EMG1: variants seen among roughly 807,000 people sequenced by gnomAD.
EMG1 encodes the protein ribosomal RNA small subunit methyltransferase NEP1.
Under a neutral mutation model 26.9 loss-of-function variants are expected in EMG1, and 24 were observed. The ratio of observed to expected loss-of-function variants is 0.89; its 90% confidence interval spans 0.65 to 1.26. EMG1 has a LOEUF of 1.26. EMG1 is among the 50% of genes most tolerant of loss of function. EMG1 has a pLI of 0.00. For missense variants in EMG1, 299 were observed against 307.6 expected, an observed-to-expected ratio of 0.97 and a Z score of 0.21; for synonymous variants, 140 against 112.6, an observed-to-expected ratio of 1.24 and a Z score of -1.54.
At position 6,979,337 on chromosome 12, in the gene EMG1, T is replaced by C; in HGVS notation, c.*3528T>C. The stretch of plus-strand genomic sequence containing the variant: ...TCCCAGCACGGCTGGCATTGACAAC[T>C]CACAGATCTAGAGCAAAACCAACAT... On this transcript the variant is annotated 3_prime_UTR_variant, in exon 6 of 6. Transcript: ENST00000599672. 1 of 682,862 alleles carries C rather than the reference T, an allele frequency of 1.5e-6. No individual in the cohort carries two copies. Among genetic ancestry groups the C allele is most frequent in the Non-Finnish European group, 2.5e-6 (1 of 392,850 alleles). The allele number at this position is 682,862 out of a possible 1,614,324, so 42.3% of individuals were successfully genotyped here.
downstream of EMG1, among the ~76,000 whole-genome samples, chr12:6,993,234 T>G (rs1946605441): frequency 6.6e-6 from 1 of 152,034 alleles, no homozygotes; most frequent in East Asian, 1.9e-4. Flanking sequence ...GGTCAGGAGA[T>G]CAAGACCATC....
chr12:6,987,663 G>A lies in EMG1; in HGVS notation c.*155-119G>A, dbSNP rs2138339259. On this transcript the variant is annotated intron_variant and NMD_transcript_variant, in intron 6 of 7. Coordinates refer to the EMG1 transcript ENST00000261406. The surrounding 1 kb of genome is among the most constrained non-coding windows in gnomAD (Gnocchi z 4.1). ...TAGAGCACTCATAAATAAGTTCTAG[G>A]TAGCTAAGTTTCTCTCTTTAAGCAT... The A allele has an allele frequency of 2.5e-6, 1 of 395,640 alleles. No individual in the cohort carries two copies. The highest frequency in any genetic ancestry group is 1.4e-4 in the South Asian group (1 of 7,140). 24.5% of individuals were successfully genotyped at this position (395,640 alleles called of 1,614,324 possible). A position where few individuals can be genotyped will look rare whatever the true frequency, so the allele number is the denominator to read the frequency against.
intron 1 of EMG1, among the ~76,000 whole-genome samples, chr12:6,973,598 C>T (rs782066630): frequency 1.8e-4 from 27 of 152,082 alleles, no homozygotes; most frequent in African/African-American, 5.6e-4. Flanking sequence ...CTCTGTTGCC[C>T]GGGCTGGAGT....
intron 1 of EMG1, among the ~76,000 whole-genome samples, chr12:6,972,387 T>G (rs1354011473): frequency 6.6e-6 from 1 of 152,242 alleles, no homozygotes; most frequent in Non-Finnish European, 1.5e-5. Context: ...ACTATTCAAT[T>G]TCAAAATCTA....
At chr12:6,974,820 A>G (rs1334359857) in intron 3 of EMG1, 127 bp downstream of exon 3, 22 of 1,021,588 alleles carry the variant, frequency 2.2e-5, no homozygotes, top group Non-Finnish European at 3.1e-5. Flanking sequence ...TAATACCAGG[A>G]CAAGGACTGT....
At chr12:6,981,257 C>T, downstream of EMG1, 2 of 1,190,140 alleles carry the variant, frequency 1.7e-6, no homozygotes, top group African/African-American at 1.5e-5. Flanking sequence ...GTGTTCCCCA[C>T]CTGTGTGCCC....
chr12:6,985,936 A>G (rs915629302), intron 6 of EMG1, among the ~76,000 whole-genome samples: 4 of 151,776 alleles, frequency 2.6e-5, no homozygotes, highest in African/African-American at 9.7e-5. Flanking sequence ...CACCATGCCC[A>G]GTGAATTTTT....
At chr12:6,981,777 C>A (rs1226376457), downstream of EMG1, 1 of 1,556,434 alleles carries the variant, frequency 6.4e-7, no homozygotes, top group Non-Finnish European at 8.9e-7. Flanking sequence ...GAGGGACCTA[C>A]ATGTAAGGAA....
At position 6,977,249 on chromosome 12, in the gene EMG1, A is replaced by G. The variant is rs1225151251; in HGVS notation, c.*1440A>G. ...GAAGAAGATGTGGCCAAGGAAATAG[A>G]TGGATTTATACACCTGTGGAGAGAG... On this transcript the variant is annotated 3_prime_UTR_variant, in exon 6 of 6. Transcript: ENST00000599672. The surrounding 1 kb of genome is among the most constrained non-coding windows in gnomAD (Gnocchi z 4.5). 6.2e-7 allele frequency: 1 copy of G among 1,613,276 alleles called. No individual in the cohort carries two copies. The highest frequency in any genetic ancestry group is 8.5e-7 in the Non-Finnish European group (1 of 1,179,204).
exon 8 of EMG1, chr12:6,997,425 G>GTGTGTGTGTT (rs1565603357): frequency 1.4e-5 from 2 of 143,474 alleles, no homozygotes. Context: ...GTGTGTGTGT[G>GTGTGTGTGTT]TGTTTCAAGA....
At chr12:6,983,219 T>A (rs1555154370), downstream of EMG1, 1 of 493,074 alleles carries the variant, frequency 2.0e-6, no homozygotes, top group African/African-American at 2.0e-5. Flanking sequence ...ATGGCAAGGG[T>A]AACCACCCTC....
intron 1 of EMG1, among the ~76,000 whole-genome samples, chr12:6,972,533 C>T (rs1366483365): frequency 5.3e-5 from 8 of 152,182 alleles, no homozygotes; most frequent in African/African-American, 1.9e-4. Context: ...AGACTTTTTA[C>T]TGACCACCCT....
At chr12:6,971,971 C>G (rs1946335483) in intron 1 of EMG1, among the ~76,000 whole-genome samples, 2 of 152,168 alleles carry the variant, frequency 1.3e-5, no homozygotes, top group Non-Finnish European at 2.9e-5. Context: ...CTTCCTCCTC[C>G]TTTCTCTTAC....
At chr12:6,993,630 G>A (rs782053735) in intron 7 of EMG1, among the ~76,000 whole-genome samples, 11 of 152,186 alleles carry the variant, frequency 7.2e-5, no homozygotes, top group African/African-American at 2.4e-4. Context: ...TATAAATGGC[G>A]TCAGGCAATG....
rs781910054 is a variant in EMG1, at chr12:6,974,563, G to T, written c.282G>T (p.Met94Ile). Residue 94 changes from methionine to isoleucine, a missense_variant, in exon 3 of 6, where the codon ATG (methionine) becomes ATT (isoleucine). Physicochemically the swap from Met to Ile is conservative, Grantham distance 10. Coordinates refer to ENST00000599672, the MANE Select transcript of EMG1 (RefSeq NM_006331.8). ...RPDITHQSLL[M>I]LMDSPLNRAG... ...TCTGCTTTGCTCAGAGTTTGCTGATGCTGATGGATAGTCCCCTGAACCGAG... is the reference window on the plus strand; with the variant it reads ...TCTGCTTTGCTCAGAGTTTGCTGATTCTGATGGATAGTCCCCTGAACCGAG... 1 of 1,613,662 alleles carries T rather than the reference G, an allele frequency of 6.2e-7. No homozygotes were observed. The highest frequency in any genetic ancestry group is 2.2e-5 in the East Asian group (1 of 44,886).
intron 1 of EMG1, among the ~76,000 whole-genome samples, chr12:6,972,066 CTTTTT>C (rs11292192): frequency 4.8e-5 from 6 of 124,688 alleles, no homozygotes; most frequent in African/African-American, 1.2e-4. Flanking sequence ...TCTAAATACA[CTTTTT>C]TTTTTTTTTT....
rs782191705 is a variant in EMG1, at chr12:6,976,738, C to A, written c.*929C>A. On this transcript the variant is annotated 3_prime_UTR_variant, in exon 6 of 6. Coordinates refer to ENST00000599672, the MANE Select transcript of EMG1 (RefSeq NM_006331.8). ...ACGCCTTCTCCAAAAAAAAGTTTCC[C>A]CTTTGGCCCCAAATGAAGACTTGGC... is the stretch of plus-strand genomic sequence containing the variant. 139 of 161,572 alleles carry A rather than the reference C, an allele frequency of 8.6e-4. 4 individuals carry two copies. The South Asian group carries it at 0.024, about 28-fold the overall frequency. The allele number at this position is 161,572 out of a possible 1,614,324, so 10.0% of individuals were successfully genotyped here.
rs782112875 is a variant in EMG1, at chr12:6,974,602, G to A, written c.321G>A (p.Gln107=). The A allele has an allele frequency of 6.2e-7, 1 of 1,613,984 alleles. No homozygotes were observed. The highest frequency in any genetic ancestry group is 1.1e-5 in the South Asian group (1 of 91,080). Residue 107 remains glutamine (Q), a synonymous_variant, in exon 3 of 6, where the codon CAG becomes CAA. Coordinates refer to ENST00000599672, the MANE Select transcript of EMG1 (RefSeq NM_006331.8). ...CCCTGAACCGAGCTGGCTTGCTACA[G>A]GTTTATATCCATACACAGAAGAATG... ...DSPLNRAGLL[Q]VYIHTQKNVL...
At chr12:6,990,525 TA>T (rs1250821377), downstream of EMG1, among the ~76,000 whole-genome samples, 8 of 118,864 alleles carry the variant, frequency 6.7e-5, no homozygotes, top group Middle Eastern at 3.6e-3. Context: ...AAAATTAAAA[TA>T]AAATAAATAA....
Sources: gnomAD v4.1 joint callset for allele counts (sites outside exome capture counted in the v4.1 genomes callset) on GRCh38, gnomAD v4.1.1 for gene constraint, Gnocchi (gnomAD v3.1) non-coding constraint, MANE v1.5 for transcripts, NCBI Gene and HGNC (gene_info 2026-07-23, HGNC 2026-07-21) for gene names.